CAPSL: variants seen among roughly 807,000 people sequenced by gnomAD.
The protein encoded by CAPSL is calcyphosin-like protein.
CAPSL carries 17 observed loss-of-function variants against 21.3 expected under a neutral mutation model. The observed-to-expected ratio is 0.80, with a 90% CI of 0.55 to 1.20. The LOEUF (loss-of-function observed/expected upper bound fraction) is 1.20, where lower values mean the gene tolerates loss of function less well. Among genes scored for constraint, CAPSL ranks in the 50% most tolerant of loss-of-function variants. The pLI, the probability that CAPSL is intolerant of heterozygous loss-of-function variation, is 0.00. For synonymous variants in CAPSL, 102 were observed against 89.3 expected, an observed-to-expected ratio of 1.14 and a Z score of -0.80; for missense variants, 289 against 259.3, an observed-to-expected ratio of 1.11 and a Z score of -0.79.
intron 2 of CAPSL, among the ~76,000 whole-genome samples, chr5:35,913,051 C>T (rs930829852): frequency 3.9e-5 from 6 of 152,124 alleles, no homozygotes; most frequent in African/African-American, 7.2e-5. Context: ...AAGAGAACTA[C>T]GTGATGAATG....
At chr5:35,908,129 G>A (rs1738077863) in intron 4 of CAPSL, among the ~76,000 whole-genome samples, 1 of 152,172 alleles carries the variant, frequency 6.6e-6, no homozygotes, top group African/African-American at 2.4e-5. Context: ...TTTTAAAACA[G>A]TTATTTCTGA....
At chr5:35,934,286 G>A (rs1738890913) in intron 1 of CAPSL, among the ~76,000 whole-genome samples, 1 of 152,166 alleles carries the variant, frequency 6.6e-6, no homozygotes, top group South Asian at 2.1e-4. Context: ...GCAGACGTTG[G>A]CCCTCTTGGG....
At chr5:35,919,170 A>ATTATATATATATAT (rs1554069748) in intron 2 of CAPSL, among the ~76,000 whole-genome samples, 9 of 121,266 alleles carry the variant, frequency 7.4e-5, no homozygotes, top group African/African-American at 2.7e-4. Context: ...TAAAAAAAAA[A>ATTATATATATATAT]ATATATATAT....
Position 35,909,914 on chromosome 5 carries a change from A to G in CAPSL, c.477T>C (p.Phe159=), listed in dbSNP as rs749492028. The change falls in exon 4 of 5, where the codon TTT becomes TTC. Residue 159 remains phenylalanine, a synonymous_variant. Transcript: ENST00000651391. ...QNGEWSEEQV[F]RKFLDNFDSP... The stretch of plus-strand genomic sequence containing the variant: ...AATCAAAGTTATCCAGAAATTTCCT[A>G]AATACTTGTTCCTCACTCCATTCCC... The G allele has an allele frequency of 1.9e-5, 30 of 1,613,746 alleles. No individual in the cohort carries two copies. The highest frequency in any genetic ancestry group is 3.3e-4 in the Middle Eastern group (2 of 6,056).
intron 1 of CAPSL, among the ~76,000 whole-genome samples, chr5:35,930,459 G>A (rs1424614125): frequency 1.3e-5 from 2 of 152,112 alleles, no homozygotes; most frequent in African/African-American, 4.8e-5. Context: ...CTGAACCAGG[G>A]TTGGGGCTAG....
chr5:35,931,651 G>T (rs184080949), intron 1 of CAPSL, among the ~76,000 whole-genome samples: 1 of 152,056 alleles, frequency 6.6e-6, no homozygotes, highest in Admixed American at 6.6e-5. Flanking sequence ...TCTGAGTTAG[G>T]TCAACCTGCT....
chr5:35,924,447 C>A (rs2149928242), intron 1 of CAPSL, among the ~76,000 whole-genome samples: 1 of 152,238 alleles, frequency 6.6e-6, no homozygotes, highest in South Asian at 2.1e-4. Flanking sequence ...GGGATCGAGT[C>A]CAGGAAGGCA....
intron 1 of CAPSL, among the ~76,000 whole-genome samples, chr5:35,933,152 G>A (rs982989730): frequency 7.2e-5 from 11 of 151,940 alleles, no homozygotes; most frequent in Non-Finnish European, 1.3e-4. Context: ...GCTGACCTCC[G>A]GGACTATGCA....
In CAPSL at chr5:35,904,401, T is replaced by C. The variant is rs185703932; in HGVS notation, c.*144A>G. 7.9e-4 allele frequency: 518 copies of C among 654,786 alleles called. 3 individuals are homozygous for C. In the African/African-American group the frequency reaches 8.6e-3, roughly 11 times the overall value. 40.6% of individuals were successfully genotyped at this position (654,786 alleles called of 1,614,324 possible). A position where few individuals can be genotyped will look rare whatever the true frequency, so the allele number is the denominator to read the frequency against. Reference sequence around the variant, plus strand: ...CAATGTCTTTTATTTCTGCCTGTTTTTTGGCCCCAGAAAATGCAATATTTT... The same window carrying C: ...CAATGTCTTTTATTTCTGCCTGTTTCTTGGCCCCAGAAAATGCAATATTTT... On this transcript the variant is annotated 3_prime_UTR_variant, in exon 5 of 5. Transcript: ENST00000651391.
intron 2 of CAPSL, among the ~76,000 whole-genome samples, chr5:35,910,861 A>G (rs1365850627): frequency 1.3e-5 from 2 of 152,220 alleles, no homozygotes; most frequent in Admixed American, 1.3e-4. Context: ...ATCCTTTATA[A>G]TACTATGATG....
chr5:35,919,483 G>A (rs1303981595), intron 2 of CAPSL, among the ~76,000 whole-genome samples: 1 of 152,188 alleles, frequency 6.6e-6, no homozygotes, highest in African/African-American at 2.4e-5. Flanking sequence ...TCAGGATAAA[G>A]ACTCAGGGTG....
chr5:35,915,511 C>CA (rs1338988357), intron 2 of CAPSL, among the ~76,000 whole-genome samples: 1 of 152,166 alleles, frequency 6.6e-6, no homozygotes, highest in Non-Finnish European at 1.5e-5. Flanking sequence ...GCTTATCCAC[C>CA]ATGATCAAGT....
Position 35,921,926 on chromosome 5 carries a change from C to T in CAPSL, c.1-806G>A, listed in dbSNP as rs143306745. On this transcript the variant is annotated intron_variant, in intron 1 of 4. Transcript: ENST00000651391. ...GATTGGATAAGATGGTCTTTAAATT[C>T]CATCCCAGCTTCAAAAAACACTAAT... Among the ~76,000 whole-genome samples the T allele has an allele frequency of 2.7e-3, 414 of 151,264 alleles. 5 individuals carry two copies. Among genetic ancestry groups the T allele is most frequent in the African/African-American group, 9.9e-3 (406 of 41,184 alleles).
At chr5:35,936,041 G>T (rs1161797487) in intron 1 of CAPSL, among the ~76,000 whole-genome samples, 1 of 152,160 alleles carries the variant, frequency 6.6e-6, no homozygotes, top group Middle Eastern at 3.2e-3. Flanking sequence ...ACTTTTATAT[G>T]ATGTTGGTCA....
chr5:35,907,822 T>C (rs1760713251), intron 4 of CAPSL, among the ~76,000 whole-genome samples: 1 of 152,222 alleles, frequency 6.6e-6, no homozygotes, highest in African/African-American at 2.4e-5. Flanking sequence ...ACAAGCAATC[T>C]TAATATGCAA....
At chr5:35,910,641 T>A in intron 2 of CAPSL, 98 bp from the exon 3 acceptor site, 1 of 928,230 alleles carries the variant, frequency 1.1e-6, no homozygotes, top group South Asian at 1.9e-5. Context: ...TTCGTCAAAT[T>A]AAAATACAAA....
intron 1 of CAPSL, among the ~76,000 whole-genome samples, chr5:35,937,835 G>T: frequency 1.9e-5 from 1 of 52,156 alleles, no homozygotes; most frequent in Non-Finnish European, 3.7e-5. Context: ...GAAAAAATAA[G>T]TCAAAAAAAA....
intron 1 of CAPSL, among the ~76,000 whole-genome samples, chr5:35,935,008 T>A (rs10941269): frequency 0.21 from 31,263 of 152,092 alleles, 4,495 homozygotes; most frequent in East Asian, 0.63. Flanking sequence ...CCTCACAGAT[T>A]TTAAGATGCA....
chr5:35,937,666 C>A lies in CAPSL; in HGVS notation c.-1+875G>T, dbSNP rs79268896. On this transcript the variant is annotated intron_variant, in intron 1 of 4. Transcript: ENST00000651391. ...ATTTACTATCACCATATCATCAGGGCTTAGCAGGAGGCTATTTTATTGCTA... is the reference window on the plus strand; with the variant it reads ...ATTTACTATCACCATATCATCAGGGATTAGCAGGAGGCTATTTTATTGCTA... 6.0e-3 allele frequency among the ~76,000 whole-genome samples: 914 copies of A among 152,318 alleles called. 18 individuals carry two copies. The highest frequency in any genetic ancestry group is 0.055 in the East Asian group (286 of 5,182).
Sources: gnomAD v4.1 joint callset for allele counts (sites outside exome capture counted in the v4.1 genomes callset) on GRCh38, gnomAD v4.1.1 for gene constraint, MANE v1.5 for transcripts, NCBI Gene and HGNC (gene_info 2026-07-23, HGNC 2026-07-21) for gene names.